The following DCC variants were observed in gnomAD, a reference collection of about 807,000 sequenced individuals.
DCC encodes DCC netrin 1 receptor.
In DCC, 58 loss-of-function variants were observed where a neutral mutation model predicts 172.5. The observed-to-expected ratio is 0.34, with a 90% CI of 0.27 to 0.42. The LOEUF (loss-of-function observed/expected upper bound fraction) is 0.42, where lower values mean the gene tolerates loss of function less well. Ranked by LOEUF, DCC falls within the 10% of genes least tolerant of loss-of-function variation. The pLI, the probability that DCC is intolerant of heterozygous loss-of-function variation, is 1.00. For missense variants in DCC, 1,740 were observed against 1,791.0 expected (o/e 0.97, Z 0.51); for synonymous variants, 709 against 644.5 (o/e 1.10, Z -1.52).
chr18:52,629,620 G>T (rs1019671304), intron 1 of DCC, among the ~76,000 whole-genome samples: 3 of 152,044 alleles, frequency 2.0e-5, no homozygotes, highest in Non-Finnish European at 2.9e-5. Context: ...TTTGAGACCA[G>T]CCTGCCCAAT....
chr18:52,950,740 C>A (rs1008204050), intron 5 of DCC, among the ~76,000 whole-genome samples: 5 of 151,204 alleles, frequency 3.3e-5, no homozygotes, highest in Admixed American at 6.6e-5. Flanking sequence ...CTGGCTAACA[C>A]GGTGAAACCC....
chr18:53,269,498 T>C (rs553960508), intron 12 of DCC, among the ~76,000 whole-genome samples: 1 of 152,204 alleles, frequency 6.6e-6, no homozygotes, highest in South Asian at 2.1e-4. Flanking sequence ...CAGGGGAAAA[T>C]TATTCTCCTG....
intron 1 of DCC, among the ~76,000 whole-genome samples, chr18:52,655,058 A>T (rs890174079): frequency 2.6e-5 from 4 of 151,032 alleles, no homozygotes; most frequent in Non-Finnish European, 4.4e-5. Flanking sequence ...GGATGGTTGA[A>T]ACTGCACCTT....
chr18:52,902,226 C>T (rs190958192), intron 2 of DCC, among the ~76,000 whole-genome samples: 2 of 152,310 alleles, frequency 1.3e-5, no homozygotes, highest in Admixed American at 1.3e-4. Context: ...AAACAAAAAA[C>T]TCTTTGCCTG....
rs1253975063 is a variant in DCC, at chr18:53,307,913, A to G, written c.2053+2194A>G. 1.3e-3 allele frequency among the ~76,000 whole-genome samples: 59 copies of G among 44,286 alleles called. 1 individual carries two copies. The highest frequency in any genetic ancestry group is 4.7e-3 in the African/African-American group (57 of 12,052). 29.1% of individuals were successfully genotyped at this position (44,286 alleles called of 152,430 possible). ...TGTGTGTATGTATATATATATATAT[A>G]TATATATATATATATATATATATAT... On this transcript the variant is annotated intron_variant, in intron 13 of 28. Transcript: ENST00000442544.
At chr18:52,919,599 T>C (rs1167929335) in intron 3 of DCC, among the ~76,000 whole-genome samples, 1 of 151,458 alleles carries the variant, frequency 6.6e-6, no homozygotes, top group East Asian at 1.9e-4. Context: ...ATCTGGACCA[T>C]ATATGCTCTA....
chr18:53,377,941 T>C (rs1477322484), intron 15 of DCC, among the ~76,000 whole-genome samples: 1 of 152,292 alleles, frequency 6.6e-6, no homozygotes. Flanking sequence ...CAGAAGGCTT[T>C]GCTCTGGTTT....
chr18:53,360,874 T>G (rs1003316799), intron 15 of DCC, among the ~76,000 whole-genome samples: 2 of 152,176 alleles, frequency 1.3e-5, no homozygotes, highest in African/African-American at 4.8e-5. Context: ...TTTAGAAATT[T>G]TTTATTTCTG....
At chr18:53,429,726 G>C (rs1357209077) in intron 21 of DCC, among the ~76,000 whole-genome samples, 1 of 152,040 alleles carries the variant, frequency 6.6e-6, no homozygotes, top group Admixed American at 6.6e-5. Flanking sequence ...AAAACCAAAG[G>C]TTTTGAAGAA....
intron 1 of DCC, among the ~76,000 whole-genome samples, chr18:52,616,639 A>G (rs572736225): frequency 6.6e-6 from 1 of 152,188 alleles, no homozygotes; most frequent in Admixed American, 6.5e-5. Context: ...ATATACTAAG[A>G]GGCATTCAGA....
At chr18:52,796,067 T>G (rs1043801166) in intron 2 of DCC, among the ~76,000 whole-genome samples, 19 of 147,792 alleles carry the variant, frequency 1.3e-4, no homozygotes, top group African/African-American at 4.1e-4. Flanking sequence ...GTTACTTTTT[T>G]TTTTCTGCTT....
At chr18:52,785,465 C>T (rs1008075962) in intron 2 of DCC, among the ~76,000 whole-genome samples, 3 of 152,048 alleles carry the variant, frequency 2.0e-5, no homozygotes, top group Admixed American at 6.6e-5. Flanking sequence ...GCAGTGGTAA[C>T]CCTAACTGCT....
intron 1 of DCC, among the ~76,000 whole-genome samples, chr18:52,746,360 T>C (rs1412452799): frequency 6.6e-6 from 1 of 152,210 alleles, no homozygotes; most frequent in East Asian, 1.9e-4. Context: ...TGACATTTTC[T>C]AATCTCAAAA....
chr18:53,339,899 A>G lies in DCC; in HGVS notation c.2351A>G (p.Glu784Gly). 1.2e-6 allele frequency: 2 copies of G among 1,613,056 alleles called. No homozygotes were observed. Among genetic ancestry groups the G allele is most frequent in the Non-Finnish European group, 1.7e-6 (2 of 1,179,462 alleles). Residue 784 changes from glutamate to glycine, a missense_variant, in exon 15 of 29, where the codon GAG (glutamate) becomes GGG (glycine). Physicochemically the swap from Glu to Gly is moderately conservative, Grantham distance 98. Coordinates refer to ENST00000442544, the MANE Select transcript of DCC (RefSeq NM_005215.4). ...VDSKQRYYSIERLESSSHYVI... is the reference protein window; with the variant it reads ...VDSKQRYYSIGRLESSSHYVI... ...AGCAAGCAGCGATATTATTCCATTG[A>G]GAGGTTAGGTGAGTATCTGTGATTT...
Position 52,879,990 on chromosome 18 carries a change from A to T in DCC, c.413-26054A>T, listed in dbSNP as rs117888427. On this transcript the variant is annotated intron_variant, in intron 2 of 28. Transcript: ENST00000442544. ...TAATAATTATGTCATGGAAAATGGG[A>T]TATTCATCCCATCAAAGATTTTTCC... 5.3e-3 allele frequency among the ~76,000 whole-genome samples: 799 copies of T among 152,184 alleles called. 3 individuals are homozygous for T. The highest frequency in any genetic ancestry group is 8.1e-3 in the Non-Finnish European group (548 of 68,020).
At chr18:53,421,892 T>G (rs1220569627) in intron 21 of DCC, among the ~76,000 whole-genome samples, 1 of 152,196 alleles carries the variant, frequency 6.6e-6, no homozygotes, top group East Asian at 1.9e-4. Flanking sequence ...TCAATTACTC[T>G]TCTATGCATT....
chr18:52,700,623 C>T (rs73957616), intron 1 of DCC, among the ~76,000 whole-genome samples: 22,668 of 152,182 alleles, frequency 0.15, 2,178 homozygotes, highest in African/African-American at 0.27. Context: ...TATTTTGTCC[C>T]TGAGCAAGAA....
chr18:52,986,745 T>A (rs188862406), intron 5 of DCC, among the ~76,000 whole-genome samples: 2 of 151,966 alleles, frequency 1.3e-5, no homozygotes, highest in African/African-American at 4.8e-5. Flanking sequence ...CACATATATA[T>A]ACACACACAC....
At chr18:52,418,930 G>A (rs1190023004) in intron 1 of DCC, among the ~76,000 whole-genome samples, 2 of 144,064 alleles carry the variant, frequency 1.4e-5, no homozygotes, top group Admixed American at 7.3e-5. Flanking sequence ...ACGCGATCTC[G>A]GATCACTGCA....
Sources: allele counts gnomAD v4.1 joint callset (sites outside exome capture counted in the v4.1 genomes callset), GRCh38; gene constraint gnomAD v4.1.1; transcripts MANE v1.5; gene names NCBI Gene and HGNC (gene_info 2026-07-23, HGNC 2026-07-21).